Variants in MRTFA observed in about 807,000 individuals in gnomAD.
MRTFA encodes myocardin-related transcription factor A.
MRTFA carries 20 observed loss-of-function variants against 83.5 expected under a neutral mutation model. That is an observed-to-expected ratio of 0.24 (90% CI 0.17 to 0.35). The LOEUF (loss-of-function observed/expected upper bound fraction) is 0.35, where lower values mean the gene tolerates loss of function less well. MRTFA is among the 10% of genes least tolerant of loss of function. The probability of loss-of-function intolerance (pLI) is 1.00; values close to 1 mark genes in which losing one functional copy is unlikely to be tolerated. For missense variants in MRTFA, 1,200 were observed against 1,224.7 expected, an observed-to-expected ratio of 0.98 and a Z score of 0.30; for synonymous variants, 659 against 541.2, an observed-to-expected ratio of 1.22 and a Z score of -3.02.
chr22:40,606,656 G>A (rs2147404653), intron 1 of MRTFA, among the ~76,000 whole-genome samples: 1 of 152,308 alleles, frequency 6.6e-6, no homozygotes, highest in East Asian at 1.9e-4. Context: ...GTGTGTGCAT[G>A]TGTATATGCT....
chr22:40,481,900 A>T (rs1166307383), intron 3 of MRTFA, among the ~76,000 whole-genome samples: 1 of 152,048 alleles, frequency 6.6e-6, no homozygotes, highest in Non-Finnish European at 1.5e-5. Flanking sequence ...CTCTACTAAA[A>T]ATACAAAAAG....
intron 2 of MRTFA, among the ~76,000 whole-genome samples, chr22:40,555,182 G>A (rs1025320532): frequency 7.2e-5 from 11 of 152,192 alleles, no homozygotes; most frequent in Non-Finnish European, 4.4e-5. Context: ...GACTTTGGGG[G>A]ACTACTGAGA....
chr22:40,600,851 G>A (rs535610105), intron 1 of MRTFA, among the ~76,000 whole-genome samples: 42 of 152,204 alleles, frequency 2.8e-4, no homozygotes, highest in Non-Finnish European at 4.4e-4. Flanking sequence ...GGTGGCACAC[G>A]CCTGTAGTCC....
At chr22:40,444,592 C>A (rs2053340533) in intron 4 of MRTFA, among the ~76,000 whole-genome samples, 1 of 152,050 alleles carries the variant, frequency 6.6e-6, no homozygotes, top group Non-Finnish European at 1.5e-5. Context: ...TCATCAGAAA[C>A]CATGGAGCCC....
intron 3 of MRTFA, among the ~76,000 whole-genome samples, chr22:40,493,753 T>C (rs933853130): frequency 3.3e-5 from 5 of 152,134 alleles, no homozygotes; most frequent in African/African-American, 1.2e-4. Context: ...AGAAAAACAG[T>C]TTGGGAGTTT....
At chr22:40,621,862 C>T (rs1347915853) in intron 1 of MRTFA, among the ~76,000 whole-genome samples, 1 of 152,172 alleles carries the variant, frequency 6.6e-6, no homozygotes, top group Non-Finnish European at 1.5e-5. Context: ...CCTTCTGAAA[C>T]CGGAATTATC....
intron 7 of MRTFA, among the ~76,000 whole-genome samples, chr22:40,424,614 A>G (rs2052914991): frequency 6.6e-6 from 1 of 152,146 alleles, no homozygotes; most frequent in Admixed American, 6.5e-5. Context: ...TATCAGAGTG[A>G]CCTCATGGGC....
chr22:40,469,110 A>G (rs1163729927), intron 3 of MRTFA, among the ~76,000 whole-genome samples: 3 of 152,204 alleles, frequency 2.0e-5, no homozygotes, highest in African/African-American at 7.2e-5. Flanking sequence ...TATCTCCTCT[A>G]AAAATCGCAA....
intron 4 of MRTFA, among the ~76,000 whole-genome samples, chr22:40,438,400 A>T (rs937247255): frequency 5.9e-5 from 9 of 152,220 alleles, no homozygotes; most frequent in Admixed American, 5.9e-4. Flanking sequence ...ACCCTGGCTG[A>T]CTTGCTGCCT....
intron 3 of MRTFA, chr22:40,522,962 A>G (rs753340326): frequency 1.3e-4 from 20 of 152,154 alleles, no homozygotes; most frequent in Non-Finnish European, 2.6e-4. Context: ...AGTCCACGCT[A>G]TATGATCTTG....
intron 3 of MRTFA, among the ~76,000 whole-genome samples, chr22:40,516,958 T>C (rs1379631564): frequency 1.3e-5 from 2 of 152,144 alleles, no homozygotes; most frequent in Non-Finnish European, 2.9e-5. Flanking sequence ...GCTCTCACTC[T>C]GTCACCCAGG....
chr22:40,535,607 C>T (rs1448341654), intron 3 of MRTFA, among the ~76,000 whole-genome samples: 1 of 152,138 alleles, frequency 6.6e-6, no homozygotes, highest in Non-Finnish European at 1.5e-5. Flanking sequence ...CCTGCCTCAG[C>T]TACCCAAAGT....
rs59958160 is a variant in MRTFA, at chr22:40,459,239, CAAAAAAAAAAAA to C, written c.307+3970_307+3981del. 2.3e-3 allele frequency among the ~76,000 whole-genome samples: 204 copies of C among 87,128 alleles called. 1 individual carries two copies. The highest frequency in any genetic ancestry group is 6.4e-3 in the Admixed American group (45 of 7,078). 57.2% of individuals were successfully genotyped at this position (87,128 alleles called of 152,430 possible). A position where few individuals can be genotyped will look rare whatever the true frequency, so the allele number is the denominator to read the frequency against. ...GGTTACTCACTAGGTAGGGGTCTGG[CAAAAAAAAAAAA>C]AAAAAAAAAAAAGAGCCTCGTTTTT... is the stretch of plus-strand genomic sequence containing the variant. On this transcript the variant is annotated intron_variant, in intron 4 of 14. Coordinates refer to ENST00000355630, the MANE Select transcript of MRTFA (RefSeq NM_020831.6).
rs1260887581 is a variant in MRTFA at position 40,601,459 on chromosome 22, T to C, written c.-83-6724A>G. On this transcript the variant is annotated intron_variant, in intron 1 of 14. Coordinates refer to ENST00000355630, the MANE Select transcript of MRTFA (RefSeq NM_020831.6). ...CCTAGCTTCAAGCGATCCTCCTGCC[T>C]TGACCTCCTAAAGTGCTGGGATTAC... is the stretch of plus-strand genomic sequence containing the variant. Among the ~76,000 whole-genome samples the C allele has an allele frequency of 2.6e-5, 4 of 152,144 alleles. No homozygotes were observed. In the East Asian group the frequency reaches 5.8e-4, roughly 22 times the overall value.
At chr22:40,557,618 A>G (rs1231940339) in intron 2 of MRTFA, among the ~76,000 whole-genome samples, 1 of 152,128 alleles carries the variant, frequency 6.6e-6, no homozygotes, top group Non-Finnish European at 1.5e-5. Context: ...TTTAAAAAAA[A>G]TTTTAAATAG....
At chr22:40,611,640 T>C (rs545864275) in intron 1 of MRTFA, among the ~76,000 whole-genome samples, 1 of 152,316 alleles carries the variant, frequency 6.6e-6, no homozygotes, top group East Asian at 1.9e-4. Context: ...GTTCCATGAA[T>C]TCAGGGCAGC....
Position 40,416,526 on chromosome 22 carries a change from C to T in MRTFA, c.2578+460G>A, listed in dbSNP as rs1054541124. The stretch of plus-strand genomic sequence containing the variant: ...CCTTCTTCCCCTTTCCTCAACTCCA[C>T]TCCAACCCGCCAGGTACTCCCGAGG... On this transcript the variant is annotated intron_variant, in intron 14 of 14. Transcript: ENST00000355630. The surrounding 1 kb of genome is among the most constrained non-coding windows in gnomAD (Gnocchi z 4.2). Among the ~76,000 whole-genome samples the T allele has an allele frequency of 3.9e-5, 6 of 152,240 alleles. No individual in the cohort carries two copies. Among genetic ancestry groups the T allele is most frequent in the African/African-American group, 1.4e-4 (6 of 41,466 alleles).
rs1490741833 is a variant in MRTFA, at chr22:40,459,780, T to TAC, written c.307+3440_307+3441insGT. On this transcript the variant is annotated intron_variant, in intron 4 of 14. Coordinates refer to ENST00000355630, the MANE Select transcript of MRTFA (RefSeq NM_020831.6). The stretch of plus-strand genomic sequence containing the variant: ...GGCACTGGGGACGGGACTGATAAAA[T>TAC]ATACACACACACACACACACACACA... Among the ~76,000 whole-genome samples the TAC allele has an allele frequency of 6.6e-3, 529 of 80,754 alleles. 4 individuals are homozygous for TAC. Among genetic ancestry groups the TAC allele is most frequent in the Middle Eastern group, 0.021 (3 of 140 alleles). 53.0% of individuals were successfully genotyped at this position (80,754 alleles called of 152,430 possible).
chr22:40,420,815 G>A (rs777266456), intron 10 of MRTFA, 32 bp downstream of exon 10: 17 of 1,610,526 alleles, frequency 1.1e-5, no homozygotes, highest in Non-Finnish European at 1.4e-5. Context: ...CTCGGGGAGG[G>A]CAGGGGCAGG....
Sources: allele counts gnomAD v4.1 joint callset (sites outside exome capture counted in the v4.1 genomes callset), GRCh38; gene constraint gnomAD v4.1.1; non-coding constraint Gnocchi (gnomAD v3.1); transcripts MANE v1.5; gene names NCBI Gene and HGNC (gene_info 2026-07-23, HGNC 2026-07-21).